The following GRM5 variants were observed in gnomAD, a reference collection of about 807,000 sequenced individuals.
GRM5 encodes metabotropic glutamate receptor 5.
A neutral mutation model predicts 83.1 loss-of-function variants in GRM5; 19 were observed. That is an observed-to-expected ratio of 0.23 (90% CI 0.16 to 0.34). GRM5 has a LOEUF of 0.34. Ranked by LOEUF, GRM5 falls within the 10% of genes least tolerant of loss-of-function variation. The probability of loss-of-function intolerance (pLI) is 1.00; values close to 1 mark genes in which losing one functional copy is unlikely to be tolerated. For synonymous variants in GRM5, 675 were observed against 633.6 expected, an observed-to-expected ratio of 1.07 and a Z score of -0.98; for missense variants, 1,160 against 1,588.3, an observed-to-expected ratio of 0.73 and a Z score of 4.58.
intron 3 of GRM5, among the ~76,000 whole-genome samples, chr11:88,751,112 A>C (rs1225395688): frequency 6.8e-6 from 1 of 146,422 alleles, no homozygotes; most frequent in Non-Finnish European, 1.5e-5. Flanking sequence ...ACAAAATCAG[A>C]GTGGAAATAA....
intron 3 of GRM5, among the ~76,000 whole-genome samples, chr11:88,665,864 A>AAG (rs1940031073): frequency 6.6e-6 from 1 of 151,476 alleles, no homozygotes; most frequent in Non-Finnish European, 1.5e-5. Flanking sequence ...GAGAAAAAAA[A>AAG]AAATGGACTG....
intron 4 of GRM5, among the ~76,000 whole-genome samples, chr11:88,615,935 C>A (rs1938467173): frequency 6.6e-6 from 1 of 151,954 alleles, no homozygotes; most frequent in Non-Finnish European, 1.5e-5. Context: ...GTAGAGAATG[C>A]CTCTCAACTA....
At chr11:88,721,485 T>C (rs1033887361) in intron 3 of GRM5, among the ~76,000 whole-genome samples, 1 of 152,118 alleles carries the variant, frequency 6.6e-6, no homozygotes, top group South Asian at 2.1e-4. Context: ...ATCTGGTGGT[T>C]ACAAAAACAC....
intron 3 of GRM5, among the ~76,000 whole-genome samples, chr11:88,825,751 A>G (rs1943884583): frequency 6.6e-6 from 1 of 152,174 alleles, no homozygotes. Flanking sequence ...CTCTAACCAC[A>G]AGAGAGATTA....
chr11:88,921,002 T>A (rs1367703534), intron 2 of GRM5, among the ~76,000 whole-genome samples: 4 of 152,130 alleles, frequency 2.6e-5, no homozygotes, highest in African/African-American at 9.7e-5. Flanking sequence ...GAATGAGATA[T>A]CAGCAAATTA....
At chr11:88,962,246 G>C (rs1245925516) in intron 2 of GRM5, among the ~76,000 whole-genome samples, 1 of 152,088 alleles carries the variant, frequency 6.6e-6, no homozygotes, top group Non-Finnish European at 1.5e-5. Context: ...TTATCCATCA[G>C]TTTAATAATT....
intron 2 of GRM5, among the ~76,000 whole-genome samples, chr11:88,862,978 A>T (rs1944592425): frequency 6.6e-6 from 1 of 152,250 alleles, no homozygotes; most frequent in Admixed American, 6.6e-5. Flanking sequence ...TCTCAAAAGA[A>T]GATATTTATG....
chr11:88,640,547 G>T (rs1939261564), intron 4 of GRM5, among the ~76,000 whole-genome samples: 1 of 152,114 alleles, frequency 6.6e-6, no homozygotes, highest in Non-Finnish European at 1.5e-5. Flanking sequence ...GATGGCATCA[G>T]ATCCCACAGG....
intron 2 of GRM5, among the ~76,000 whole-genome samples, chr11:88,858,603 A>G (rs140446808): frequency 0.014 from 2,094 of 152,180 alleles, 49 homozygotes; most frequent in African/African-American, 0.048. Context: ...TAACTGCCAT[A>G]CATGTTGAGG....
At chr11:88,687,588 A>ATTATATATATTATATATATAT (rs1469176299) in intron 3 of GRM5, among the ~76,000 whole-genome samples, 6 of 81,510 alleles carry the variant, frequency 7.4e-5, no homozygotes, top group East Asian at 8.1e-4. Flanking sequence ...TAATATATAT[A>ATTATATATATTATATATATAT]TATATATATT....
intron 2 of GRM5, among the ~76,000 whole-genome samples, chr11:88,889,348 G>A (rs575347010): frequency 3.3e-5 from 5 of 151,490 alleles, no homozygotes; most frequent in East Asian, 1.9e-4. Context: ...AGGACAGCTC[G>A]CAGGCTTGAA....
chr11:88,747,706 A>AC (rs1491143529), intron 3 of GRM5, among the ~76,000 whole-genome samples: 6 of 30,940 alleles, frequency 1.9e-4, no homozygotes, highest in Admixed American at 1.5e-3. Context: ...GCTATCCAGG[A>AC]AAAAAAAAAA....
chr11:88,619,821 A>G (rs1395452410), intron 4 of GRM5, among the ~76,000 whole-genome samples: 1 of 152,182 alleles, frequency 6.6e-6, no homozygotes, highest in Non-Finnish European at 1.5e-5. Context: ...AGTAAAAGGA[A>G]GGAAGATATA....
intron 5 of GRM5, among the ~76,000 whole-genome samples, chr11:88,604,039 A>C (rs908628474): frequency 1.3e-5 from 2 of 152,158 alleles, no homozygotes; most frequent in African/African-American, 4.8e-5. Flanking sequence ...ATAAGTCTTA[A>C]ATGACTATGT....
intron 1 of GRM5, among the ~76,000 whole-genome samples, chr11:89,058,998 A>T (rs1941935050): frequency 6.6e-6 from 1 of 151,610 alleles, no homozygotes; most frequent in African/African-American, 2.4e-5. Flanking sequence ...GCATTTAGAC[A>T]AATTGTTTTT....
chr11:88,534,571 G>A (rs995376372), intron 8 of GRM5, among the ~76,000 whole-genome samples: 1 of 152,162 alleles, frequency 6.6e-6, no homozygotes, highest in South Asian at 2.1e-4. Context: ...TAACTAACTT[G>A]CTTTTGATTT....
At chr11:89,023,162 T>A (rs1413635412) in intron 2 of GRM5, among the ~76,000 whole-genome samples, 2 of 151,170 alleles carry the variant, frequency 1.3e-5, no homozygotes, top group African/African-American at 2.5e-5. Context: ...TGTGTGTGTG[T>A]GTGCGCGCGC....
intron 2 of GRM5, among the ~76,000 whole-genome samples, chr11:88,885,979 C>T (rs552281252): frequency 6.6e-6 from 1 of 152,238 alleles, no homozygotes; most frequent in African/African-American, 2.4e-5. Flanking sequence ...AACTGGAAAG[C>T]CTATTTGCAT....
intron 3 of GRM5, among the ~76,000 whole-genome samples, chr11:88,736,873 G>GTGTT (rs71265012): frequency 0.35 from 52,568 of 151,636 alleles, 9,671 homozygotes; most frequent in African/African-American, 0.46. Context: ...GACAAGAAAA[G>GTGTT]TGTTGGAAAA....
Sources: allele counts gnomAD v4.1 joint callset (sites outside exome capture counted in the v4.1 genomes callset), GRCh38; gene constraint gnomAD v4.1.1; transcripts MANE v1.5; gene names NCBI Gene and HGNC (gene_info 2026-07-23, HGNC 2026-07-21).